CPQ: variants seen among roughly 807,000 people sequenced by gnomAD.
CPQ encodes the protein Ser-Met dipeptidase.
In CPQ, 37 loss-of-function variants were observed where a neutral mutation model predicts 45.7. That is an observed-to-expected ratio of 0.81 (90% CI 0.62 to 1.07). The LOEUF (loss-of-function observed/expected upper bound fraction) is 1.07, where lower values mean the gene tolerates loss of function less well. Among genes scored for constraint, CPQ ranks in the 50% least tolerant of loss-of-function variants. The pLI, the probability that CPQ is intolerant of heterozygous loss-of-function variation, is 0.00. For missense variants in CPQ, 537 were observed against 572.9 expected, an observed-to-expected ratio of 0.94 and a Z score of 0.64; for synonymous variants, 186 against 205.8, an observed-to-expected ratio of 0.90 and a Z score of 0.82.
intron 4 of CPQ, among the ~76,000 whole-genome samples, chr8:96,892,343 T>A (rs978553243): frequency 1.3e-5 from 2 of 152,166 alleles, no homozygotes; most frequent in African/African-American, 4.8e-5. Context: ...TAATATGTAG[T>A]CTGATGATTT....
chr8:96,825,974 G>A (rs1214134706), intron 2 of CPQ, among the ~76,000 whole-genome samples: 1 of 152,042 alleles, frequency 6.6e-6, no homozygotes, highest in Non-Finnish European at 1.5e-5. Flanking sequence ...AATTTAGAAA[G>A]CAAATACATT....
chr8:97,019,798 A>T (rs1432322426), intron 5 of CPQ, among the ~76,000 whole-genome samples: 1 of 152,194 alleles, frequency 6.6e-6, no homozygotes, highest in Non-Finnish European at 1.5e-5. Context: ...TACTCTACTG[A>T]CAGCACTAGA....
intron 6 of CPQ, among the ~76,000 whole-genome samples, chr8:97,064,137 T>C (rs1810598455): frequency 6.6e-6 from 1 of 152,184 alleles, no homozygotes; most frequent in African/African-American, 2.4e-5. Flanking sequence ...AGAAGCACTT[T>C]GCCTGATTTT....
chr8:97,066,223 G>T lies in CPQ; in HGVS notation c.1255+13G>T, dbSNP rs746383807. 1 of 1,604,886 alleles carries T rather than the reference G, an allele frequency of 6.2e-7. No individual in the cohort carries two copies. On this transcript the variant is annotated intron_variant, in intron 7 of 7. Coordinates refer to ENST00000220763, the MANE Select transcript of CPQ (RefSeq NM_016134.4). Reference sequence around the variant, plus strand: ...GCTGGAGTGCCTGGTAAGACCAAAAGATGAAGTTGTGTTCCTTATATATTG... The same window carrying T: ...GCTGGAGTGCCTGGTAAGACCAAAATATGAAGTTGTGTTCCTTATATATTG...
At chr8:97,122,525 G>A (rs1348036407) in intron 7 of CPQ, among the ~76,000 whole-genome samples, 1 of 152,060 alleles carries the variant, frequency 6.6e-6, no homozygotes, top group Non-Finnish European at 1.5e-5. Context: ...ATGTCGAAGG[G>A]AATTTATCAA....
At chr8:97,126,689 G>C in intron 7 of CPQ, among the ~76,000 whole-genome samples, 1 of 152,010 alleles carries the variant, frequency 6.6e-6, no homozygotes, top group African/African-American at 2.4e-5. Flanking sequence ...TAAAATACAT[G>C]TAAAATTTAG....
intron 5 of CPQ, among the ~76,000 whole-genome samples, chr8:96,978,438 G>A (rs1813826268): frequency 6.6e-6 from 1 of 152,186 alleles, no homozygotes; most frequent in South Asian, 2.1e-4. Flanking sequence ...AGTCATTTTA[G>A]AGCCTTAGGC....
At chr8:96,765,333 T>C (rs974968358) in intron 1 of CPQ, among the ~76,000 whole-genome samples, 8 of 152,172 alleles carry the variant, frequency 5.3e-5, no homozygotes, top group African/African-American at 1.9e-4. Context: ...CCAAGGTAAT[T>C]TGGCTGTCTT....
chr8:97,061,325 C>A (rs1347592328), intron 6 of CPQ, among the ~76,000 whole-genome samples: 1 of 152,118 alleles, frequency 6.6e-6, no homozygotes, highest in African/African-American at 2.4e-5. Flanking sequence ...ACAACAACTT[C>A]TGTCCAAGTA....
In CPQ at chr8:96,665,828, C is replaced by T. The variant is rs148151110; in HGVS notation, c.-35+20426C>T. Among the ~76,000 whole-genome samples the T allele has an allele frequency of 3.4e-3, 522 of 152,164 alleles. 4 individuals are homozygous for T. Among genetic ancestry groups the T allele is most frequent in the African/African-American group, 0.012 (505 of 41,490 alleles). ...GGGTACCTCCAGGTTCACATTCCAG[C>T]GATCCCGGTGGAAATAACTTTTATT... On this transcript the variant is annotated intron_variant, in intron 1 of 7. Coordinates refer to ENST00000220763, the MANE Select transcript of CPQ (RefSeq NM_016134.4).
intron 7 of CPQ, among the ~76,000 whole-genome samples, chr8:97,118,585 A>G (rs1302145769): frequency 6.6e-6 from 1 of 152,218 alleles, no homozygotes; most frequent in Non-Finnish European, 1.5e-5. Context: ...GTTCTTGTGA[A>G]GATCAAGTGA....
At chr8:96,837,913 C>T (rs572408146) in intron 3 of CPQ, among the ~76,000 whole-genome samples, 13 of 152,282 alleles carry the variant, frequency 8.5e-5, no homozygotes, top group South Asian at 2.1e-4. Flanking sequence ...CAATTACACA[C>T]GGAACAGCTC....
chr8:96,886,333 T>A (rs1041101760), intron 4 of CPQ, among the ~76,000 whole-genome samples: 3 of 152,208 alleles, frequency 2.0e-5, no homozygotes, highest in African/African-American at 7.2e-5. Flanking sequence ...CATCTATGGT[T>A]GAGAATAAAT....
chr8:96,708,251 CCTT>C (rs924328342), intron 1 of CPQ, among the ~76,000 whole-genome samples: 3 of 152,124 alleles, frequency 2.0e-5, no homozygotes, highest in African/African-American at 7.2e-5. Flanking sequence ...AAGATAGTCT[CCTT>C]ATTTTAAAGT....
At chr8:96,984,312 C>T (rs992124119) in intron 5 of CPQ, among the ~76,000 whole-genome samples, 6 of 152,154 alleles carry the variant, frequency 3.9e-5, no homozygotes, top group African/African-American at 1.2e-4. Flanking sequence ...AATGTGTCTC[C>T]CAAGTTTCCT....
intron 1 of CPQ, among the ~76,000 whole-genome samples, chr8:96,664,541 A>G (rs776307765): frequency 3.3e-5 from 5 of 152,222 alleles, no homozygotes; most frequent in African/African-American, 9.6e-5. Context: ...AATGCAGAGG[A>G]TATGGCTGAG....
chr8:96,809,309 C>T (rs1311766315), intron 2 of CPQ, among the ~76,000 whole-genome samples: 1 of 152,094 alleles, frequency 6.6e-6, no homozygotes, highest in African/African-American at 2.4e-5. Flanking sequence ...TAGTTTTATT[C>T]ATCATAGCTA....
intron 6 of CPQ, among the ~76,000 whole-genome samples, chr8:97,064,823 G>C (rs1810611126): frequency 6.6e-6 from 1 of 152,136 alleles, no homozygotes; most frequent in African/African-American, 2.4e-5. Context: ...TTACCCTCCA[G>C]TGCCATGCTA....
chr8:96,676,631 TC>T (rs1419624215), intron 1 of CPQ, among the ~76,000 whole-genome samples: 4 of 152,108 alleles, frequency 2.6e-5, no homozygotes, highest in African/African-American at 9.7e-5. Flanking sequence ...AATGTAGGTA[TC>T]CCTTCGATAT....
Sources: gnomAD v4.1 joint callset for allele counts (sites outside exome capture counted in the v4.1 genomes callset) on GRCh38, gnomAD v4.1.1 for gene constraint, MANE v1.5 for transcripts, NCBI Gene and HGNC (gene_info 2026-07-23, HGNC 2026-07-21) for gene names.